The following CDH18 variants were observed in gnomAD, a reference collection of about 807,000 sequenced individuals.
The protein encoded by CDH18 is cadherin 18, also known as cadherin-18.
A neutral mutation model predicts 67.9 loss-of-function variants in CDH18; 31 were observed. The observed-to-expected ratio is 0.46, with a 90% CI of 0.34 to 0.62. The LOEUF is 0.62. Among genes scored for constraint, CDH18 ranks in the 20% least tolerant of loss-of-function variants. The pLI is 0.01. For missense variants in CDH18, 890 were observed against 975.5 expected, an observed-to-expected ratio of 0.91 and a Z score of 1.17; for synonymous variants, 362 against 347.2, an observed-to-expected ratio of 1.04 and a Z score of -0.48.
At position 19,638,977 on chromosome 5, in the gene CDH18, GTTTTTTTTTTT is replaced by G. The variant is rs34631530; in HGVS notation, c.644-26387_644-26377del. ...GATCGCTGGGAAGTTTTTTGTTGCT[GTTTTTTTTTTT>G]TTTTTTTTTTTTTTTTGTTTGTTTT... On this transcript the variant is annotated intron_variant, in intron 5 of 12. Transcript: ENST00000382275. Among the ~76,000 whole-genome samples the G allele has an allele frequency of 3.4e-3, 187 of 54,730 alleles. 1 individual carries two copies. The highest frequency in any genetic ancestry group is 7.7e-3 in the African/African-American group (147 of 19,144). 35.9% of individuals were successfully genotyped at this position (54,730 alleles called of 152,430 possible).
chr5:20,102,589 C>T (rs964322214), intron 2 of CDH18, among the ~76,000 whole-genome samples: 19 of 152,190 alleles, frequency 1.2e-4, no homozygotes, highest in South Asian at 6.2e-4. Flanking sequence ...GTGTCAGCAA[C>T]TGCGCAGAAG....
Position 19,473,056 on chromosome 5 carries a change from C to A in CDH18, c.*170G>T. The A allele has an allele frequency of 1.2e-5, 6 of 513,316 alleles. No homozygotes were observed. Among genetic ancestry groups the A allele is most frequent in the Non-Finnish European group, 1.6e-5 (5 of 310,416 alleles). The allele number at this position is 513,316 out of a possible 1,614,324, so 31.8% of individuals were successfully genotyped here. ...TTTTTTTTTTTTTTTTTACTTTCTT[C>A]CAATTAAATAACCCAGTTTCGATCA... is the stretch of plus-strand genomic sequence containing the variant. On this transcript the variant is annotated 3_prime_UTR_variant, in exon 13 of 13. Transcript: ENST00000382275.
chr5:19,603,157 T>A (rs1747433263), intron 6 of CDH18, among the ~76,000 whole-genome samples: 1 of 152,100 alleles, frequency 6.6e-6, no homozygotes, highest in Non-Finnish European at 1.5e-5. Flanking sequence ...AGTATACACA[T>A]TAAATAAAAT....
intron 1 of CDH18, among the ~76,000 whole-genome samples, chr5:20,518,771 T>C (rs1443004390): frequency 1.3e-5 from 2 of 152,158 alleles, no homozygotes; most frequent in African/African-American, 4.8e-5. Context: ...TCCCTTCTCA[T>C]GGCCAAAATC....
chr5:20,352,493 A>G (rs1741269563), intron 1 of CDH18, among the ~76,000 whole-genome samples: 1 of 151,970 alleles, frequency 6.6e-6, no homozygotes, highest in South Asian at 2.1e-4. Context: ...TACAAATAAG[A>G]ACCTGGACAG....
intron 5 of CDH18, among the ~76,000 whole-genome samples, chr5:19,699,707 C>A (rs1762989748): frequency 6.6e-6 from 1 of 150,786 alleles, no homozygotes; most frequent in Non-Finnish European, 1.5e-5. Context: ...GAGGACATAG[C>A]AAGAAAGTAG....
At chr5:19,573,321 C>T (rs1741762942) in intron 7 of CDH18, among the ~76,000 whole-genome samples, 1 of 151,880 alleles carries the variant, frequency 6.6e-6, no homozygotes, top group African/African-American at 2.4e-5. Context: ...CTCTGTCACC[C>T]AGGCTGGAGT....
intron 1 of CDH18, among the ~76,000 whole-genome samples, chr5:20,400,107 AAT>A (rs1469219821): frequency 6.6e-6 from 1 of 152,228 alleles, no homozygotes; most frequent in Non-Finnish European, 1.5e-5. Flanking sequence ...CATGTTTGAT[AAT>A]ATAATAATAT....
At chr5:20,142,705 G>A (rs1750338554) in intron 2 of CDH18, among the ~76,000 whole-genome samples, 1 of 152,062 alleles carries the variant, frequency 6.6e-6, no homozygotes, top group African/African-American at 2.4e-5. Flanking sequence ...AGGCAGTGAC[G>A]GGGTGACAGT....
At chr5:20,569,134 T>C (rs1041186694) in intron 1 of CDH18, among the ~76,000 whole-genome samples, 2 of 152,192 alleles carry the variant, frequency 1.3e-5, no homozygotes, top group Non-Finnish European at 2.9e-5. Context: ...TTCAGTGGGA[T>C]GGCTACGAGT....
intron 3 of CDH18, among the ~76,000 whole-genome samples, chr5:19,829,044 A>T (rs55860609): frequency 0.088 from 13,353 of 152,114 alleles, 605 homozygotes; most frequent in African/African-American, 0.1. Context: ...TCTCAAAAAT[A>T]AATTAATTAA....
At chr5:19,743,087 A>T (rs1420064545) in intron 4 of CDH18, among the ~76,000 whole-genome samples, 1 of 152,224 alleles carries the variant, frequency 6.6e-6, no homozygotes, top group Non-Finnish European at 1.5e-5. Flanking sequence ...GTGCATGTAC[A>T]TGCATATTCT....
At chr5:20,201,400 C>A (rs925184) in intron 2 of CDH18, among the ~76,000 whole-genome samples, 1 of 152,064 alleles carries the variant, frequency 6.6e-6, no homozygotes, top group Non-Finnish European at 1.5e-5. Flanking sequence ...TTTAAGGTAA[C>A]TTTTTGCCAG....
intron 11 of CDH18, among the ~76,000 whole-genome samples, chr5:19,494,412 C>A (rs1741962490): frequency 6.6e-6 from 1 of 152,114 alleles, no homozygotes; most frequent in South Asian, 2.1e-4. Flanking sequence ...CATAGTTTCA[C>A]CTATAATTAC....
intron 2 of CDH18, among the ~76,000 whole-genome samples, chr5:19,843,215 G>A (rs563342686): frequency 2.0e-5 from 3 of 152,252 alleles, no homozygotes; most frequent in South Asian, 2.1e-4. Flanking sequence ...AGTCCTAGGC[G>A]GGAAAAAAAT....
intron 2 of CDH18, among the ~76,000 whole-genome samples, chr5:19,907,397 G>A (rs1050875499): frequency 6.6e-6 from 1 of 151,896 alleles, no homozygotes; most frequent in Non-Finnish European, 1.5e-5. Context: ...AGTATAAACA[G>A]CAAATTCATT....
chr5:19,626,885 GA>G, intron 5 of CDH18, among the ~76,000 whole-genome samples: 2 of 152,150 alleles, frequency 1.3e-5, no homozygotes, highest in East Asian at 3.9e-4. Context: ...AAAATTTCGA[GA>G]GCTGGCTCAT....
At chr5:20,411,633 G>GA (rs1329171415) in intron 1 of CDH18, among the ~76,000 whole-genome samples, 1 of 150,252 alleles carries the variant, frequency 6.7e-6, no homozygotes, top group Non-Finnish European at 1.5e-5. Context: ...TTCTGCACAG[G>GA]AAAATAAATA....
At chr5:20,406,952 G>A (rs941299839) in intron 1 of CDH18, among the ~76,000 whole-genome samples, 3 of 152,144 alleles carry the variant, frequency 2.0e-5, no homozygotes, top group African/African-American at 7.2e-5. Context: ...ATATAATAAG[G>A]AGGAAACTTC....
Sources: gnomAD v4.1 joint callset for allele counts (sites outside exome capture counted in the v4.1 genomes callset) on GRCh38, gnomAD v4.1.1 for gene constraint, MANE v1.5 for transcripts, NCBI Gene and HGNC (gene_info 2026-07-23, HGNC 2026-07-21) for gene names.